PCYOX1: variants seen among roughly 807,000 people sequenced by gnomAD.
PCYOX1 encodes the protein prenylcysteine oxidase 1.
Under a neutral mutation model 46.4 loss-of-function variants are expected in PCYOX1, and 46 were observed. The observed-to-expected ratio is 0.99, with a 90% confidence interval of 0.78 to 1.27. The LOEUF is 1.27. Among genes scored for constraint, PCYOX1 ranks in the 50% most tolerant of loss-of-function variants. The pLI is 0.00. For missense variants in PCYOX1, 658 were observed against 628.3 expected, an observed-to-expected ratio of 1.05 and a Z score of -0.51; for synonymous variants, 220 against 231.8, an observed-to-expected ratio of 0.95 and a Z score of 0.46.
At chr2:70,265,616 T>G (rs887649114) in intron 3 of PCYOX1, among the ~76,000 whole-genome samples, 1 of 152,220 alleles carries the variant, frequency 6.6e-6, no homozygotes, top group African/African-American at 2.4e-5. Flanking sequence ...GCACACTGTG[T>G]GCTTGTGTTC....
In PCYOX1 at chr2:70,276,898, C is replaced by T. The variant is rs1559038194; in HGVS notation, c.1024C>T (p.His342Tyr). ...TGAGGAATTCCATCAATATTATCAA[C>T]ATATAGTGACAACTTTAGTTAAGGG... is the stretch of plus-strand genomic sequence containing the variant. ...PIEEFHQYYQ[H>Y]IVTTLVKGEL... The change falls in exon 6 of 6, where the codon CAT (histidine) becomes TAT (tyrosine). Residue 342 changes from histidine (H) to tyrosine (Y), a missense_variant. Transcript: ENST00000433351. 6.2e-7 allele frequency: 1 copy of T among 1,612,548 alleles called. No individual in the cohort carries two copies.
At chr2:70,268,876 A>G (rs1005372436) in intron 3 of PCYOX1, among the ~76,000 whole-genome samples, 4 of 152,018 alleles carry the variant, frequency 2.6e-5, no homozygotes, top group Admixed American at 2.0e-4. Context: ...TCTGCAAGCC[A>G]AGGAAATAGG....
At position 70,277,619 on chromosome 2, in the gene PCYOX1, A is replaced by T. The variant is rs942173425; in HGVS notation, c.*227A>T. 1.2e-5 allele frequency: 5 copies of T among 432,882 alleles called. No homozygotes were observed. Among genetic ancestry groups the T allele is most frequent in the Non-Finnish European group, 2.0e-5 (5 of 244,036 alleles). The allele number at this position is 432,882 out of a possible 1,614,324, so 26.8% of individuals were successfully genotyped here. A position where few individuals can be genotyped will look rare whatever the true frequency, so the allele number is the denominator to read the frequency against. ...TTTCTTAAGTATTCTTTCACTATCCATTAGGAGTTTTTCTTAAACTTGTCT... is the reference window on the plus strand; with the variant it reads ...TTTCTTAAGTATTCTTTCACTATCCTTTAGGAGTTTTTCTTAAACTTGTCT... On this transcript the variant is annotated 3_prime_UTR_variant, in exon 6 of 6. Coordinates refer to ENST00000433351, the MANE Select transcript of PCYOX1 (RefSeq NM_016297.4).
intron 2 of PCYOX1, among the ~76,000 whole-genome samples, chr2:70,260,847 T>TTC (rs1696425752): frequency 1.3e-5 from 2 of 152,218 alleles, no homozygotes; most frequent in African/African-American, 4.8e-5. Flanking sequence ...GGCGAAGGTA[T>TTC]ACCCAGAACA....
At chr2:70,259,997 G>C (rs552124914) in intron 2 of PCYOX1, among the ~76,000 whole-genome samples, 1 of 152,222 alleles carries the variant, frequency 6.6e-6, no homozygotes, top group Non-Finnish European at 1.5e-5. Flanking sequence ...TGTATTTTCA[G>C]TAGTGACGGG....
Position 70,258,277 on chromosome 2 carries a change from G to T in PCYOX1, c.112+1G>T. ...CTGCGTGCTCCGCCAGATAAAATCG[G>T]TAGGCGAGAAGGGGGCGGCGCGGGA... On this transcript the variant is annotated splice_donor_variant, in intron 1 of 5. Coordinates refer to ENST00000433351, the MANE Select transcript of PCYOX1 (RefSeq NM_016297.4). LOFTEE classifies it high-confidence loss of function. 1.9e-6 allele frequency: 3 copies of T among 1,578,740 alleles called. No homozygotes were observed. The highest frequency in any genetic ancestry group is 1.7e-6 in the Non-Finnish European group (2 of 1,168,798).
chr2:70,277,057 C>G lies in PCYOX1; in HGVS notation c.1183C>G (p.Pro395Ala). Reference sequence around the variant, plus strand: ...GCCCTCTGTGAGAGAAAAGGAAGATCCTGAGCCATCAACAGATGGAACATA... The same window carrying G: ...GCCCTCTGTGAGAGAAAAGGAAGATGCTGAGCCATCAACAGATGGAACATA... The part of the protein sequence containing the change: ...IVPSVREKED[P>A]EPSTDGTYVW... The change falls in exon 6 of 6, where the codon CCT becomes GCT. Residue 395 changes from proline to alanine, a missense_variant. Coordinates refer to ENST00000433351, the MANE Select transcript of PCYOX1 (RefSeq NM_016297.4). 2 of 1,613,050 alleles carry G rather than the reference C, an allele frequency of 1.2e-6. No homozygotes were observed. The highest frequency in any genetic ancestry group is 1.7e-6 in the Non-Finnish European group (2 of 1,179,014).
At chr2:70,261,068 T>C (rs1290339265) in intron 2 of PCYOX1, 144 bp from the exon 3 acceptor site, 1 of 543,632 alleles carries the variant, frequency 1.8e-6, no homozygotes, top group Non-Finnish European at 3.3e-6. Context: ...GTAGTGAAAG[T>C]ATAGTGTTTC....
chr2:70,278,032 C>T lies in PCYOX1; in HGVS notation c.*640C>T, dbSNP rs891899329. On this transcript the variant is annotated 3_prime_UTR_variant, in exon 6 of 6. Transcript: ENST00000433351. ...CATACCGGTTTGAAGTACGTGTGCC[C>T]ATGCCTAAAGCCTTGACTTTCAGAA... The T allele has an allele frequency of 2.0e-5, 3 of 152,182 alleles. No homozygotes were observed. The highest frequency in any genetic ancestry group is 7.2e-5 in the African/African-American group (3 of 41,436). The allele number at this position is 152,182 out of a possible 1,614,324, so 9.4% of individuals were successfully genotyped here.
At chr2:70,268,003 G>T (rs1696552114) in intron 3 of PCYOX1, among the ~76,000 whole-genome samples, 1 of 151,994 alleles carries the variant, frequency 6.6e-6, no homozygotes. Flanking sequence ...TAGAGATGGG[G>T]TTTCACCATC....
chr2:70,267,135 C>T (rs1696536053), intron 3 of PCYOX1, among the ~76,000 whole-genome samples: 2 of 152,012 alleles, frequency 1.3e-5, no homozygotes, highest in Non-Finnish European at 2.9e-5. Flanking sequence ...CAGAGACACT[C>T]CTCAGTTCCC....
Position 70,279,732 on chromosome 2 carries a change from C to G in PCYOX1, c.*2340C>G, listed in dbSNP as rs1323936693. 6.6e-6 allele frequency: 1 copy of G among 151,626 alleles called. No homozygotes were observed. Among genetic ancestry groups the G allele is most frequent in the African/African-American group, 2.4e-5 (1 of 41,192 alleles). The allele number at this position is 151,626 out of a possible 1,614,324, so 9.4% of individuals were successfully genotyped here. ...CCGGGAGGCGGAGGTTGCAGTGAGC[C>G]AAGATCGCACCACTGCACTCCAGCC... On this transcript the variant is annotated 3_prime_UTR_variant, in exon 6 of 6. Coordinates refer to ENST00000433351, the MANE Select transcript of PCYOX1 (RefSeq NM_016297.4).
At chr2:70,258,759 A>C (rs1395807334) in intron 1 of PCYOX1, among the ~76,000 whole-genome samples, 1 of 152,194 alleles carries the variant, frequency 6.6e-6, no homozygotes, top group African/African-American at 2.4e-5. Flanking sequence ...GCCTTCCCCC[A>C]GCTCCGCTTT....
Position 70,281,099 on chromosome 2 carries a change from GT to G in PCYOX1, c.*3712del, listed in dbSNP as rs1308805440. On this transcript the variant is annotated 3_prime_UTR_variant, in exon 6 of 6. Transcript: ENST00000433351. The stretch of plus-strand genomic sequence containing the variant: ...ACAAAGAACCATGATACACTGGAAT[GT>G]TTTTCTCTGGAATCCTCTTTCTACT... The G allele has an allele frequency of 6.6e-6, 1 of 152,156 alleles. No individual in the cohort carries two copies. The highest frequency in any genetic ancestry group is 1.9e-4 in the East Asian group (1 of 5,206). The allele number at this position is 152,156 out of a possible 1,614,324, so 9.4% of individuals were successfully genotyped here. A position where few individuals can be genotyped will look rare whatever the true frequency, so the allele number is the denominator to read the frequency against.
At chr2:70,262,269 G>A (rs1290540709) in intron 3 of PCYOX1, among the ~76,000 whole-genome samples, 1 of 151,932 alleles carries the variant, frequency 6.6e-6, no homozygotes, top group Non-Finnish European at 1.5e-5. Flanking sequence ...GGGTTCAAGC[G>A]ATACTCCTGC....
At chr2:70,272,229 C>A (rs1205532478) in intron 3 of PCYOX1, among the ~76,000 whole-genome samples, 1 of 151,196 alleles carries the variant, frequency 6.6e-6, no homozygotes, top group South Asian at 2.1e-4. Flanking sequence ...CAGGTTCAAG[C>A]GATTCTCCTG....
chr2:70,275,245 T>C, intron 4 of PCYOX1, 75 bp downstream of exon 4: 1 of 1,274,854 alleles, frequency 7.8e-7, no homozygotes, highest in Non-Finnish European at 1.1e-6. Context: ...GGTTCCTGAC[T>C]TTAGGCTGTG....
intron 5 of PCYOX1, 34 bp downstream of exon 5, chr2:70,275,700 C>T (rs761710574): frequency 1.3e-6 from 2 of 1,595,866 alleles, no homozygotes; most frequent in Non-Finnish European, 1.7e-6. Flanking sequence ...CCTGATATCC[C>T]CTGCAGAAAA....
chr2:70,260,056 C>G (rs1021781833), intron 2 of PCYOX1, among the ~76,000 whole-genome samples: 1 of 152,188 alleles, frequency 6.6e-6, no homozygotes, highest in Non-Finnish European at 1.5e-5. Context: ...CTCAGGTGAT[C>G]CGCCTGCCTT....
Sources: allele counts gnomAD v4.1 joint callset (sites outside exome capture counted in the v4.1 genomes callset), GRCh38; gene constraint gnomAD v4.1.1; transcripts MANE v1.5; gene names NCBI Gene and HGNC (gene_info 2026-07-23, HGNC 2026-07-21).